SPINT3: variants seen among roughly 807,000 people sequenced by gnomAD.
The protein encoded by SPINT3 is serine peptidase inhibitor, Kunitz type 3, also known as kunitz-type protease inhibitor 3.
In SPINT3, 4 loss-of-function variants were observed where a neutral mutation model predicts 3.3. The ratio of observed to expected loss-of-function variants is 1.22; its 90% CI spans 0.60 to 2.79. The LOEUF (loss-of-function observed/expected upper bound fraction) is 2.79, where lower values mean the gene tolerates loss of function less well. Among genes scored for constraint, SPINT3 ranks in the 30% most tolerant of loss-of-function variants. The pLI, the probability that SPINT3 is intolerant of heterozygous loss-of-function variation, is 0.01. For missense variants in SPINT3, 97 were observed against 104.3 expected, an observed-to-expected ratio of 0.93 and a Z score of 0.31; for synonymous variants, 30 against 38.6, an observed-to-expected ratio of 0.78 and a Z score of 0.83.
In SPINT3 at chr20:45,512,983, G is replaced by T. The variant is rs574969744; in HGVS notation, c.77-139C>A. ...TGTGCTCTGTACCTCTTTCTACCCAGCTATGGTCTGATCTGTCTACACAGA... is the reference window on the plus strand; with the variant it reads ...TGTGCTCTGTACCTCTTTCTACCCATCTATGGTCTGATCTGTCTACACAGA... On this transcript the variant is annotated intron_variant, in intron 1 of 1. Transcript: ENST00000217428. 8.6e-4 allele frequency: 555 copies of T among 646,846 alleles called. 5 individuals carry two copies. In the South Asian group the frequency reaches 0.011, roughly 12 times the overall value. The allele number at this position is 646,846 out of a possible 1,614,324, so 40.1% of individuals were successfully genotyped here.
Position 45,515,554 on chromosome 20 carries a change from G to A in SPINT3, c.55C>T (p.Leu19Phe). The A allele has an allele frequency of 6.4e-7, 1 of 1,550,870 alleles. No individual in the cohort carries two copies. The highest frequency in any genetic ancestry group is 8.7e-7 in the Non-Finnish European group (1 of 1,146,794). ...FLLILTLCLE[L>F]RSELARDTIK... The stretch of plus-strand genomic sequence containing the variant: ...CAACCTCGTGCTAGTTCTGATCGAA[G>A]CTCTAGGCAGAGAGTGAGAATCAGG... The change falls in exon 1 of 2, where the codon CTT becomes TTT. Residue 19 changes from leucine to phenylalanine, a missense_variant. Transcript: ENST00000217428.
chr20:45,512,828 GAGA>G lies in SPINT3; in HGVS notation c.90_92del (p.Leu32del). 1 of 1,551,500 alleles carries G rather than the reference GAGA, an allele frequency of 6.4e-7. No individual in the cohort carries two copies. Among genetic ancestry groups the G allele is most frequent in the Non-Finnish European group, 8.7e-7 (1 of 1,146,916 alleles). On this transcript the variant is annotated inframe_deletion, in exon 2 of 2. Coordinates refer to ENST00000217428, the MANE Select transcript of SPINT3 (RefSeq NM_006652.2). Reference sequence around the variant, plus strand: ...TAGGAAAAGCGCATACATTTGGGAGGAGATCCTTGATAGTGTCTGAAGAGAGAA... The same window carrying G: ...TAGGAAAAGCGCATACATTTGGGAGGTCCTTGATAGTGTCTGAAGAGAGAA...
chr20:45,515,492 A>T, intron 1 of SPINT3, 41 bp downstream of exon 1: 1 of 1,366,600 alleles, frequency 7.3e-7, no homozygotes, highest in Non-Finnish European at 1.0e-6. Flanking sequence ...CCCCAGCCTG[A>T]TTCCCAGTCT....
At chr20:45,514,593 C>G (rs1259495834) in intron 1 of SPINT3, among the ~76,000 whole-genome samples, 3 of 152,150 alleles carry the variant, frequency 2.0e-5, no homozygotes, top group Non-Finnish European at 4.4e-5. Flanking sequence ...GAGTATGCGT[C>G]AGAATCATCT....
At chr20:45,514,232 A>G (rs1978813141) in intron 1 of SPINT3, among the ~76,000 whole-genome samples, 1 of 152,196 alleles carries the variant, frequency 6.6e-6, no homozygotes, top group African/African-American at 2.4e-5. Flanking sequence ...AAACCAAAGG[A>G]AAATCACTTG....
At chr20:45,513,446 A>G (rs1398738460) in intron 1 of SPINT3, among the ~76,000 whole-genome samples, 1 of 152,212 alleles carries the variant, frequency 6.6e-6, no homozygotes, top group Non-Finnish European at 1.5e-5. Context: ...TAATATCCAC[A>G]TTTTTGGTTT....
At chr20:45,515,273 T>C (rs562061765) in intron 1 of SPINT3, among the ~76,000 whole-genome samples, 1 of 152,310 alleles carries the variant, frequency 6.6e-6, no homozygotes, top group Admixed American at 6.5e-5. Context: ...TATTAGGTAT[T>C]GTATGTCTCT....
chr20:45,513,930 C>T (rs1600861825), intron 1 of SPINT3, among the ~76,000 whole-genome samples: 1 of 152,218 alleles, frequency 6.6e-6, no homozygotes, highest in Admixed American at 6.5e-5. Flanking sequence ...TGAGTGAATG[C>T]ACAGATGAAT....
At chr20:45,514,321 C>T (rs1248335284) in intron 1 of SPINT3, among the ~76,000 whole-genome samples, 1 of 152,148 alleles carries the variant, frequency 6.6e-6, no homozygotes, top group Non-Finnish European at 1.5e-5. Flanking sequence ...GTTCTAAGTG[C>T]TTTACAAGAA....
chr20:45,515,454 G>A (rs1306402522), intron 1 of SPINT3, 79 bp downstream of exon 1: 4 of 1,212,512 alleles, frequency 3.3e-6, no homozygotes, highest in African/African-American at 1.5e-5. Flanking sequence ...CTCTGTTTGT[G>A]CTGCATCACC....
chr20:45,515,466 CCCCCACCA>C, intron 1 of SPINT3, 59 bp downstream of exon 1: 1 of 1,341,232 alleles, frequency 7.5e-7, no homozygotes, highest in Non-Finnish European at 1.0e-6. Context: ...TGCATCACCT[CCCCCACCA>C]CCCCGCCCCC....
At chr20:45,513,723 T>C (rs908342626) in intron 1 of SPINT3, among the ~76,000 whole-genome samples, 7 of 152,214 alleles carry the variant, frequency 4.6e-5, no homozygotes, top group African/African-American at 1.7e-4. Context: ...TCCTTTTATG[T>C]TTCTGTCACC....
At position 45,512,880 on chromosome 20, in the gene SPINT3, A is replaced by G. The variant is rs746788308; in HGVS notation, c.77-36T>C. ...AAAGTGGTTGAAGGAGACCAAACCC[A>G]TCACCTTCTCCTTGTTTGCCTCATA... On this transcript the variant is annotated intron_variant, in intron 1 of 1. Coordinates refer to ENST00000217428, the MANE Select transcript of SPINT3 (RefSeq NM_006652.2). 7 of 1,510,878 alleles carry G rather than the reference A, an allele frequency of 4.6e-6. No homozygotes were observed. In the South Asian group the frequency reaches 6.1e-5, roughly 13 times the overall value. 93.6% of individuals were successfully genotyped at this position (1,510,878 alleles called of 1,614,324 possible).
At chr20:45,513,226 A>G (rs938585202) in intron 1 of SPINT3, among the ~76,000 whole-genome samples, 2 of 152,212 alleles carry the variant, frequency 1.3e-5, no homozygotes, top group Admixed American at 6.5e-5. Flanking sequence ...ATAGGATTTG[A>G]TAATAAAGAT....
chr20:45,513,753 T>C (rs1978801530), intron 1 of SPINT3, among the ~76,000 whole-genome samples: 1 of 152,206 alleles, frequency 6.6e-6, no homozygotes, highest in Admixed American at 6.5e-5. Context: ...GTTTTACTCT[T>C]CATGGTAGCT....
intron 1 of SPINT3, 53 bp downstream of exon 1, chr20:45,515,480 C>T (rs750204134): frequency 2.8e-6 from 4 of 1,437,272 alleles, no homozygotes; most frequent in South Asian, 1.2e-5. Flanking sequence ...CACCACCCCG[C>T]CCCCCAGCCT....
At position 45,514,686 on chromosome 20, in the gene SPINT3, G is replaced by A. The variant is rs143470261; in HGVS notation, c.76+847C>T. On this transcript the variant is annotated intron_variant, in intron 1 of 1. Coordinates refer to ENST00000217428, the MANE Select transcript of SPINT3 (RefSeq NM_006652.2). ...TAGCATGTTTCCAGTTGATACTGCT[G>A]CTGCTATTGCTGTCAGACTAGGGGA... Among the ~76,000 whole-genome samples, 317 of 152,304 alleles carry A rather than the reference G, an allele frequency of 2.1e-3. 1 individual carries two copies. The highest frequency in any genetic ancestry group is 7.3e-3 in the African/African-American group (305 of 41,554).
chr20:45,515,443 G>A lies in SPINT3; in HGVS notation c.76+90C>T, dbSNP rs1037111573. On this transcript the variant is annotated intron_variant, in intron 1 of 1. Coordinates refer to ENST00000217428, the MANE Select transcript of SPINT3 (RefSeq NM_006652.2). Reference sequence around the variant, plus strand: ...CTCAATCCGGTAAGGTAAGAAATGGGCTCTGTTTGTGCTGCATCACCTCCC... The same window carrying A: ...CTCAATCCGGTAAGGTAAGAAATGGACTCTGTTTGTGCTGCATCACCTCCC... 5.6e-6 allele frequency: 6 copies of A among 1,066,600 alleles called. No individual in the cohort carries two copies. The Admixed American group carries it at 8.1e-5, about 14-fold the overall frequency. The allele number at this position is 1,066,600 out of a possible 1,614,324, so 66.1% of individuals were successfully genotyped here.
In SPINT3 at chr20:45,512,531, A is replaced by G; in HGVS notation, c.*120T>C. The G allele has an allele frequency of 1.1e-6, 1 of 944,596 alleles. No homozygotes were observed. Among genetic ancestry groups the G allele is most frequent in the Admixed American group, 2.7e-5 (1 of 36,488 alleles). The allele number at this position is 944,596 out of a possible 1,614,324, so 58.5% of individuals were successfully genotyped here. On this transcript the variant is annotated 3_prime_UTR_variant, in exon 2 of 2. Transcript: ENST00000217428. ...TTGTAGGAGCACATCAGGGAGAATA[A>G]ATGTGGGGGTAGAGGAATGAACCTC...
Sources: gnomAD v4.1 joint callset for allele counts (sites outside exome capture counted in the v4.1 genomes callset) on GRCh38, gnomAD v4.1.1 for gene constraint, MANE v1.5 for transcripts, NCBI Gene and HGNC (gene_info 2026-07-23, HGNC 2026-07-21) for gene names.